SOX5: variants seen among roughly 807,000 people sequenced by gnomAD.
SOX5 encodes SRY-box transcription factor 5.
SOX5 carries 9 observed loss-of-function variants against 92.0 expected under a neutral mutation model. The ratio of observed to expected loss-of-function variants is 0.10; its 90% confidence interval spans 0.06 to 0.17. The LOEUF (loss-of-function observed/expected upper bound fraction) is 0.17. Ranked by LOEUF, SOX5 falls within the 10% of genes least tolerant of loss-of-function variation. SOX5 has a pLI of 1.00. For missense variants in SOX5, 642 were observed against 944.5 expected (o/e 0.68, Z 4.20); for synonymous variants, 344 against 336.3 (o/e 1.02, Z -0.25).
chr12:23,592,490 C>G (rs1405268505), intron 9 of SOX5, among the ~76,000 whole-genome samples: 2 of 152,148 alleles, frequency 1.3e-5, no homozygotes, highest in Non-Finnish European at 2.9e-5. Context: ...TAAGAAGCAT[C>G]AAAAGATACT....
chr12:24,448,885 G>C (rs567112896), intron 1 of SOX5, among the ~76,000 whole-genome samples: 2 of 151,936 alleles, frequency 1.3e-5, no homozygotes, highest in Non-Finnish European at 2.9e-5. Context: ...CCATCTTAAT[G>C]TGTCCAAAAC....
At chr12:24,168,414 C>A (rs528666524) in intron 4 of SOX5, among the ~76,000 whole-genome samples, 7 of 152,038 alleles carry the variant, frequency 4.6e-5, no homozygotes, top group Non-Finnish European at 1.0e-4. Context: ...TTAAAAAAAT[C>A]GTCAACAGAA....
chr12:24,356,086 T>C (rs1463431540), intron 2 of SOX5, among the ~76,000 whole-genome samples: 1 of 152,186 alleles, frequency 6.6e-6, no homozygotes, highest in Non-Finnish European at 1.5e-5. Flanking sequence ...AGCATTAATA[T>C]CAGATTTTCT....
chr12:23,541,745 T>G (rs972549736), intron 13 of SOX5, among the ~76,000 whole-genome samples: 1 of 152,254 alleles, frequency 6.6e-6, no homozygotes, highest in Non-Finnish European at 1.5e-5. Flanking sequence ...GCTAATGGTT[T>G]GTTTTGATCC....
intron 4 of SOX5, among the ~76,000 whole-genome samples, chr12:24,135,141 C>T (rs1452693306): frequency 1.3e-5 from 2 of 152,214 alleles, no homozygotes; most frequent in African/African-American, 4.8e-5. Flanking sequence ...CACTCTACCC[C>T]AGACCTGCTC....
At chr12:24,116,973 C>CA (rs3031105) in intron 4 of SOX5, among the ~76,000 whole-genome samples, 25,186 of 126,740 alleles carry the variant, frequency 0.2, 2,448 homozygotes, top group East Asian at 0.38. Flanking sequence ...TCTAAAAATG[C>CA]AAAAAAAAAA....
intron 2 of SOX5, among the ~76,000 whole-genome samples, chr12:24,351,051 G>A (rs577357738): frequency 2.6e-5 from 4 of 152,030 alleles, no homozygotes; most frequent in South Asian, 4.2e-4. Context: ...GAGCAAGAGC[G>A]AGACTCTATC....
At chr12:24,068,677 C>CGTGTGTGTGT (rs1941193872) in intron 4 of SOX5, among the ~76,000 whole-genome samples, 1 of 76,076 alleles carries the variant, frequency 1.3e-5, no homozygotes, top group Admixed American at 1.6e-4. Context: ...AGGTCAAAGT[C>CGTGTGTGTGT]GTATGTGTGT....
intron 4 of SOX5, among the ~76,000 whole-genome samples, chr12:24,082,174 G>A (rs1266766469): frequency 1.3e-5 from 2 of 151,744 alleles, no homozygotes; most frequent in East Asian, 3.9e-4. Flanking sequence ...GCATGACGGA[G>A]CGTACAACTC....
intron 4 of SOX5, among the ~76,000 whole-genome samples, chr12:24,074,238 T>C (rs903478511): frequency 1.3e-5 from 2 of 152,074 alleles, no homozygotes; most frequent in Admixed American, 1.3e-4. Flanking sequence ...CCCCCAACAC[T>C]TCAGTAACCT....
chr12:23,942,559 T>A (rs1182664780), intron 1 of SOX5, among the ~76,000 whole-genome samples: 10 of 151,834 alleles, frequency 6.6e-5, no homozygotes, highest in Non-Finnish European at 1.2e-4. Context: ...CCTGAAGCCC[T>A]GAATGAGAGG....
At position 23,534,364 on chromosome 12, in the gene SOX5, T is replaced by C; in HGVS notation, c.2147A>G (p.Lys716Arg). Reference protein sequence around the residue: ...MPVIQSTYGVKGEEPHIKEEI... With the variant: ...MPVIQSTYGVRGEEPHIKEEI... ...TTCTTTGATATGTGGCTCCTCTCCT[T>C]TCACACCGTAAGTGCTCTGGATAAC... Residue 716 changes from lysine (K) to arginine (R), a missense_variant, in exon 15 of 15, where the codon AAA (lysine) becomes AGA (arginine). By Grantham distance (26) the Lys-to-Arg change is conservative. Transcript: ENST00000451604. 1 of 1,614,142 alleles carries C rather than the reference T, an allele frequency of 6.2e-7. No homozygotes were observed. Among genetic ancestry groups the C allele is most frequent in the African/African-American group, 1.3e-5 (1 of 75,038 alleles).
At chr12:23,592,817 G>A (rs987273367) in intron 9 of SOX5, among the ~76,000 whole-genome samples, 6 of 152,170 alleles carry the variant, frequency 3.9e-5, no homozygotes, top group Admixed American at 1.3e-4. Flanking sequence ...GGTGGCTCAT[G>A]CCTGTAATCC....
At chr12:24,157,727 T>A (rs571702241) in intron 4 of SOX5, among the ~76,000 whole-genome samples, 1 of 152,100 alleles carries the variant, frequency 6.6e-6, no homozygotes, top group Non-Finnish European at 1.5e-5. Context: ...ATTAGTCAGC[T>A]AAGTCATTCC....
intron 2 of SOX5, among the ~76,000 whole-genome samples, chr12:23,889,509 G>T (rs889558251): frequency 6.6e-6 from 1 of 152,180 alleles, no homozygotes; most frequent in African/African-American, 2.4e-5. Context: ...CTATAATACA[G>T]CAATTAAAAT....
chr12:24,054,557 A>C (rs979449802), intron 4 of SOX5, among the ~76,000 whole-genome samples: 4 of 152,156 alleles, frequency 2.6e-5, no homozygotes, highest in African/African-American at 9.7e-5. Context: ...GAATAGATAA[A>C]TCTCCCTGAC....
intron 4 of SOX5, among the ~76,000 whole-genome samples, chr12:24,018,588 G>C (rs370056990): frequency 8.0e-4 from 122 of 152,208 alleles, no homozygotes; most frequent in Admixed American, 2.3e-3. Context: ...CTGAGGTCAG[G>C]AGTTCAAGAT....
chr12:24,143,204 A>T (rs1196665907), intron 4 of SOX5, among the ~76,000 whole-genome samples: 1 of 152,218 alleles, frequency 6.6e-6, no homozygotes, highest in Non-Finnish European at 1.5e-5. Flanking sequence ...TCTGCTTCCA[A>T]GACACGTCAC....
chr12:24,032,197 C>A (rs1376635401), intron 4 of SOX5, among the ~76,000 whole-genome samples: 1 of 151,528 alleles, frequency 6.6e-6, no homozygotes, highest in African/African-American at 2.4e-5. Context: ...ATATACACAT[C>A]AATGCTTTAA....
Sources: gnomAD v4.1 joint callset for allele counts (sites outside exome capture counted in the v4.1 genomes callset) on GRCh38, gnomAD v4.1.1 for gene constraint, MANE v1.5 for transcripts, NCBI Gene and HGNC (gene_info 2026-07-23, HGNC 2026-07-21) for gene names.